The following PLEKHH2 variants were observed in gnomAD, a reference collection of about 807,000 sequenced individuals.
The protein encoded by PLEKHH2 is pleckstrin homology domain-containing family H member 2.
A neutral mutation model predicts 187.9 loss-of-function variants in PLEKHH2; 129 were observed. The ratio of observed to expected loss-of-function variants is 0.69; its 90% CI spans 0.59 to 0.79. The LOEUF is 0.79. Ranked by LOEUF, PLEKHH2 falls within the 30% of genes least tolerant of loss-of-function variation. PLEKHH2 has a pLI of 0.00. For synonymous variants in PLEKHH2, 686 were observed against 605.6 expected, an observed-to-expected ratio of 1.13 and a Z score of -1.95; for missense variants, 2,076 against 1,751.2, an observed-to-expected ratio of 1.19 and a Z score of -3.31.
intron 20 of PLEKHH2, among the ~76,000 whole-genome samples, chr2:43,739,578 T>C (rs1303500962): frequency 6.6e-6 from 1 of 152,238 alleles, no homozygotes; most frequent in Non-Finnish European, 1.5e-5. Context: ...TTGCACATTT[T>C]AGAAATCATA....
chr2:43,642,553 A>C (rs576267283), intron 1 of PLEKHH2, among the ~76,000 whole-genome samples: 1 of 152,262 alleles, frequency 6.6e-6, no homozygotes, highest in African/African-American at 2.4e-5. Context: ...TCAGGGAGAA[A>C]ACTGTCAGTC....
chr2:43,638,108 G>T (rs1703200164), intron 1 of PLEKHH2, among the ~76,000 whole-genome samples: 1 of 152,210 alleles, frequency 6.6e-6, no homozygotes, highest in Non-Finnish European at 1.5e-5. Context: ...TGTCCCAGAG[G>T]AGTATGTAGT....
rs750704791 is a variant in PLEKHH2, at chr2:43,729,648, T to C, written c.2733T>C (p.Leu911=). 2 of 1,596,836 alleles carry C rather than the reference T, an allele frequency of 1.3e-6. No individual in the cohort carries two copies. Among genetic ancestry groups the C allele is most frequent in the South Asian group, 1.1e-5 (1 of 87,250 alleles). ...GTTCTGGTTTTAAGGACACTTGGCT[T>C]TATCATCTGACTGTTGCAGCTGGAA... ...IGSKHEKDTW[L]YHLTVAAGSN... The change falls in exon 18 of 30, where the codon CTT becomes CTC. Residue 911 remains leucine (L), a synonymous_variant. Transcript: ENST00000282406.
chr2:43,651,364 G>A (rs1030937718), intron 2 of PLEKHH2, among the ~76,000 whole-genome samples: 1 of 152,090 alleles, frequency 6.6e-6, no homozygotes, highest in African/African-American at 2.4e-5. Flanking sequence ...ACCGCGCCCG[G>A]CCCTCAAATT....
intron 26 of PLEKHH2, among the ~76,000 whole-genome samples, 153 bp downstream of exon 26, chr2:43,757,417 T>C (rs1285301652): frequency 1.4e-5 from 2 of 138,820 alleles, no homozygotes; most frequent in East Asian, 2.0e-4. Context: ...AGATTTTTTT[T>C]CTTTCTTTTT....
At chr2:43,700,657 C>T (rs767103119) in intron 8 of PLEKHH2, 49 bp downstream of exon 8, 6 of 1,539,536 alleles carry the variant, frequency 3.9e-6, no homozygotes, top group Non-Finnish European at 3.5e-6. Flanking sequence ...TTTTTCTCAA[C>T]ACTTTTTTTT....
At chr2:43,720,873 A>G (rs1017390493) in intron 16 of PLEKHH2, 124 bp downstream of exon 16, 1 of 1,404,828 alleles carries the variant, frequency 7.1e-7, no homozygotes, top group Non-Finnish European at 9.4e-7. Context: ...GAAATTTGGT[A>G]TAATTTGGTG....
At chr2:43,645,244 G>C (rs1666129921) in intron 2 of PLEKHH2, among the ~76,000 whole-genome samples, 1 of 152,034 alleles carries the variant, frequency 6.6e-6, no homozygotes, top group South Asian at 2.1e-4. Flanking sequence ...TCTTGCCTGG[G>C]CTAGAATTGA....
intron 2 of PLEKHH2, among the ~76,000 whole-genome samples, chr2:43,652,263 G>C (rs1294871927): frequency 6.6e-6 from 1 of 152,172 alleles, no homozygotes; most frequent in East Asian, 1.9e-4. Flanking sequence ...GACTCTAAGG[G>C]CCACAGATTT....
chr2:43,714,506 G>C (rs1670121920), intron 15 of PLEKHH2, among the ~76,000 whole-genome samples: 1 of 152,152 alleles, frequency 6.6e-6, no homozygotes, highest in Non-Finnish European at 1.5e-5. Context: ...TGCAATATGA[G>C]ATACTGTCAA....
In PLEKHH2 at chr2:43,717,144, A is replaced by G. The variant is rs528831698; in HGVS notation, c.2461-3525A>G. The stretch of plus-strand genomic sequence containing the variant: ...TAAAGAACAAGAGTGTGGGCCAAGC[A>G]TGGTGGCTCATGCCTGTAATCCCAG... On this transcript the variant is annotated intron_variant, in intron 15 of 29. Transcript: ENST00000282406. Among the ~76,000 whole-genome samples, 7 of 152,268 alleles carry G rather than the reference A, an allele frequency of 4.6e-5. No homozygotes were observed. The South Asian group carries it at 1.5e-3, about 32-fold the overall frequency.
chr2:43,740,406 A>T (rs1452375102), intron 20 of PLEKHH2, among the ~76,000 whole-genome samples: 2 of 152,228 alleles, frequency 1.3e-5, no homozygotes, highest in African/African-American at 4.8e-5. Flanking sequence ...CCTTGAAAAA[A>T]TATAGAAAGG....
chr2:43,660,323 A>G (rs1391543087), intron 2 of PLEKHH2, among the ~76,000 whole-genome samples: 1 of 152,144 alleles, frequency 6.6e-6, no homozygotes, highest in African/African-American at 2.4e-5. Context: ...GGCAATTACG[A>G]ATACAGCTGC....
chr2:43,691,124 C>T (rs1419576668), intron 3 of PLEKHH2, among the ~76,000 whole-genome samples: 2 of 152,226 alleles, frequency 1.3e-5, no homozygotes, highest in Admixed American at 1.3e-4. Context: ...TTACCCTGTT[C>T]TGTTTTTTTC....
chr2:43,757,843 A>T (rs1363024860), intron 26 of PLEKHH2, among the ~76,000 whole-genome samples: 1 of 151,692 alleles, frequency 6.6e-6, no homozygotes, highest in African/African-American at 2.4e-5. Flanking sequence ...AACAACCCTG[A>T]TAATAAATAA....
At chr2:43,644,620 A>G in intron 1 of PLEKHH2, 51 bp from the exon 2 acceptor site, 1 of 1,358,892 alleles carries the variant, frequency 7.4e-7, no homozygotes, top group Non-Finnish European at 1.0e-6. Flanking sequence ...GTGTTGTAGC[A>G]TTTGAATGTT....
chr2:43,761,740 G>A (rs770668788), intron 27 of PLEKHH2, among the ~76,000 whole-genome samples: 47 of 151,974 alleles, frequency 3.1e-4, no homozygotes, highest in Middle Eastern at 6.8e-3. Context: ...TAAAAAATTC[G>A]GTGGAAATTT....
intron 2 of PLEKHH2, among the ~76,000 whole-genome samples, chr2:43,657,417 C>T (rs555742302): frequency 5.6e-4 from 86 of 152,238 alleles, no homozygotes; most frequent in African/African-American, 1.5e-3. Context: ...CCTACTAAAC[C>T]GCTCCCAAGG....
At chr2:43,672,247 T>C (rs975036829) in intron 2 of PLEKHH2, among the ~76,000 whole-genome samples, 1 of 152,222 alleles carries the variant, frequency 6.6e-6, no homozygotes, top group Non-Finnish European at 1.5e-5. Context: ...CTGATATTGA[T>C]AATTTGTGTC....
Sources: gnomAD v4.1 joint callset for allele counts (sites outside exome capture counted in the v4.1 genomes callset) on GRCh38, gnomAD v4.1.1 for gene constraint, MANE v1.5 for transcripts, NCBI Gene and HGNC (gene_info 2026-07-23, HGNC 2026-07-21) for gene names.